The following SLC26A7 variants were observed in gnomAD, a reference collection of about 807,000 sequenced individuals.
The protein encoded by SLC26A7 is anion exchange transporter.
SLC26A7 carries 59 observed loss-of-function variants against 82.5 expected under a neutral mutation model. That is an observed-to-expected ratio of 0.72 (90% CI 0.58 to 0.89). The LOEUF is 0.89. SLC26A7 is among the 40% of genes least tolerant of loss of function. The pLI, the probability that SLC26A7 is intolerant of heterozygous loss-of-function variation, is 0.00. For synonymous variants in SLC26A7, 271 were observed against 274.3 expected (o/e 0.99, Z 0.12); for missense variants, 820 against 793.0 (o/e 1.03, Z -0.41).
At position 91,295,663 on chromosome 8, in the gene SLC26A7, A is replaced by T. The variant is rs1330211130; in HGVS notation, c.437A>T (p.His146Leu). Residue 146 changes from histidine to leucine, a missense_variant, in exon 4 of 19, where the codon CAC (histidine) becomes CTC (leucine). Physicochemically the swap from His to Leu is moderately conservative, Grantham distance 99. Transcript: ENST00000276609. ...TCCGACTTTGAAATGCAAAGGATCC[A>T]CGTTGCTGCAGCAGTTTCCTTCTTG... is the stretch of plus-strand genomic sequence containing the variant. The part of the protein sequence containing the change: ...GLSDFEMQRI[H>L]VAAAVSFLGG... The T allele has an allele frequency of 6.2e-7, 1 of 1,614,114 alleles. No homozygotes were observed. The highest frequency in any genetic ancestry group is 8.5e-7 in the Non-Finnish European group (1 of 1,179,980).
At chr8:91,280,835 T>C (rs1811552146) in intron 2 of SLC26A7, among the ~76,000 whole-genome samples, 1 of 152,234 alleles carries the variant, frequency 6.6e-6, no homozygotes, top group South Asian at 2.1e-4. Flanking sequence ...TGCTCAAGCC[T>C]CAGGCAGTGA....
intron 5 of SLC26A7, among the ~76,000 whole-genome samples, chr8:91,332,438 A>G (rs917391587): frequency 7.0e-6 from 1 of 141,992 alleles, no homozygotes; most frequent in Non-Finnish European, 1.5e-5. Flanking sequence ...TATATATTTA[A>G]TTAATATATA....
At chr8:91,232,517 C>T (rs1402982489) in intron 2 of SLC26A7, among the ~76,000 whole-genome samples, 1 of 152,208 alleles carries the variant, frequency 6.6e-6, no homozygotes, top group Non-Finnish European at 1.5e-5. Flanking sequence ...AGTAGATTTT[C>T]CAGGGCATGT....
At chr8:91,305,705 C>G (rs1015986107) in intron 4 of SLC26A7, among the ~76,000 whole-genome samples, 2 of 152,134 alleles carry the variant, frequency 1.3e-5, no homozygotes, top group Non-Finnish European at 2.9e-5. Flanking sequence ...AAAGATGATT[C>G]TAAATTCCAG....
At chr8:91,220,805 A>G (rs986593743) in intron 2 of SLC26A7, among the ~76,000 whole-genome samples, 6 of 152,234 alleles carry the variant, frequency 3.9e-5, no homozygotes, top group South Asian at 2.1e-4. Flanking sequence ...TAGTGCTACA[A>G]TAAACATACG....
chr8:91,274,601 C>A (rs1811357579), intron 2 of SLC26A7, among the ~76,000 whole-genome samples: 1 of 152,166 alleles, frequency 6.6e-6, no homozygotes, highest in Non-Finnish European at 1.5e-5. Context: ...GAGTGGAGCC[C>A]TCATAACTTA....
At chr8:91,213,993 G>A (rs886435564) in intron 1 of SLC26A7, among the ~76,000 whole-genome samples, 3 of 151,956 alleles carry the variant, frequency 2.0e-5, no homozygotes, top group African/African-American at 4.8e-5. Context: ...CTGAACATGT[G>A]GGGGAAAACC....
intron 11 of SLC26A7, 86 bp from the exon 12 acceptor site, chr8:91,362,267 A>AG: frequency 3.4e-6 from 3 of 879,442 alleles, no homozygotes; most frequent in Non-Finnish European, 5.2e-6. Context: ...AAGAGTGTTA[A>AG]GAATATGATT....
intron 4 of SLC26A7, among the ~76,000 whole-genome samples, chr8:91,296,695 T>C (rs1812026817): frequency 6.6e-6 from 1 of 152,164 alleles, no homozygotes; most frequent in South Asian, 2.1e-4. Context: ...TTGAAAGAAA[T>C]AGACCATTTG....
At chr8:91,298,136 C>A (rs985345144) in intron 4 of SLC26A7, among the ~76,000 whole-genome samples, 7 of 152,224 alleles carry the variant, frequency 4.6e-5, no homozygotes, top group African/African-American at 1.7e-4. Context: ...ATGAACTAAT[C>A]AGCTTTCTGT....
At chr8:91,257,608 T>G (rs1810839667) in intron 2 of SLC26A7, among the ~76,000 whole-genome samples, 1 of 152,012 alleles carries the variant, frequency 6.6e-6, no homozygotes, top group African/African-American at 2.4e-5. Context: ...TTAACACCAT[T>G]TCTCAAAATA....
At chr8:91,312,730 G>A (rs145069277) in intron 4 of SLC26A7, among the ~76,000 whole-genome samples, 192 of 151,708 alleles carry the variant, frequency 1.3e-3, no homozygotes, top group African/African-American at 4.2e-3. Context: ...GTTTTGATTT[G>A]CATTTTCTTA....
At chr8:91,270,372 G>A (rs62527428) in intron 2 of SLC26A7, among the ~76,000 whole-genome samples, 2,803 of 152,212 alleles carry the variant, frequency 0.018, 40 homozygotes, top group Non-Finnish European at 0.029. Flanking sequence ...TCCTGGTCTG[G>A]GGAAAATTTA....
At chr8:91,394,071 T>C (rs1292193702) in intron 18 of SLC26A7, 32 bp downstream of exon 18, 1 of 1,600,148 alleles carries the variant, frequency 6.2e-7, no homozygotes, top group East Asian at 2.2e-5. Flanking sequence ...GAAGGAGTTA[T>C]AAGAATATTC....
At chr8:91,240,241 T>C (rs1810455491) in intron 2 of SLC26A7, among the ~76,000 whole-genome samples, 1 of 152,182 alleles carries the variant, frequency 6.6e-6, no homozygotes, top group Non-Finnish European at 1.5e-5. Context: ...TAAAGTTCCA[T>C]AAGGATTGGT....
chr8:91,333,942 C>T (rs893154712), intron 5 of SLC26A7, among the ~76,000 whole-genome samples: 1 of 152,116 alleles, frequency 6.6e-6, no homozygotes, highest in East Asian at 1.9e-4. Flanking sequence ...AGTTGGGGAA[C>T]CCATGGTCCC....
At chr8:91,285,248 A>T (rs1267490963) in intron 2 of SLC26A7, among the ~76,000 whole-genome samples, 1 of 152,224 alleles carries the variant, frequency 6.6e-6, no homozygotes, top group Non-Finnish European at 1.5e-5. Context: ...TGTGGTGTTC[A>T]CATGCCTTCA....
chr8:91,335,223 T>G (rs1813207858), intron 6 of SLC26A7, among the ~76,000 whole-genome samples: 1 of 152,152 alleles, frequency 6.6e-6, no homozygotes, highest in African/African-American at 2.4e-5. Flanking sequence ...TTCCTTCTAA[T>G]TGTTGAAATT....
At chr8:91,244,717 C>T (rs1292002895), upstream of SLC26A7, among the ~76,000 whole-genome samples, 2 of 151,782 alleles carry the variant, frequency 1.3e-5, no homozygotes, top group Non-Finnish European at 2.9e-5. Context: ...GATGAGGTCT[C>T]ACTATGTTTC....
Sources: gnomAD v4.1 joint callset for allele counts (sites outside exome capture counted in the v4.1 genomes callset) on GRCh38, gnomAD v4.1.1 for gene constraint, MANE v1.5 for transcripts, NCBI Gene and HGNC (gene_info 2026-07-23, HGNC 2026-07-21) for gene names.